ADCY5: variants seen among roughly 807,000 people sequenced by gnomAD.
ADCY5 encodes the protein adenylate cyclase 5.
ADCY5 carries 30 observed loss-of-function variants against 119.7 expected under a neutral mutation model. The ratio of observed to expected loss-of-function variants is 0.25; its 90% confidence interval spans 0.19 to 0.34. The LOEUF is 0.34. ADCY5 is among the 10% of genes least tolerant of loss of function. The pLI is 1.00. For synonymous variants in ADCY5, 753 were observed against 762.2 expected, an observed-to-expected ratio of 0.99 and a Z score of 0.20; for missense variants, 1,324 against 1,775.2, an observed-to-expected ratio of 0.75 and a Z score of 4.57.
At chr3:123,357,259 G>A (rs1428486980) in intron 1 of ADCY5, among the ~76,000 whole-genome samples, 2 of 152,058 alleles carry the variant, frequency 1.3e-5, no homozygotes, top group African/African-American at 4.8e-5. Flanking sequence ...AAAAAGGGCA[G>A]GAGTCATATC....
chr3:123,426,754 C>T, intron 1 of ADCY5, among the ~76,000 whole-genome samples: 1 of 152,090 alleles, frequency 6.6e-6, no homozygotes, highest in East Asian at 1.9e-4. Flanking sequence ...CGCAAGGAGC[C>T]TGTAGGAGTA....
chr3:123,395,725 A>T (rs9653895), intron 1 of ADCY5, among the ~76,000 whole-genome samples: 13,603 of 151,280 alleles, frequency 0.09, 1,570 homozygotes, highest in African/African-American at 0.27. Context: ...AAAAAAAAAA[A>T]TTTTTTTAAT....
intron 1 of ADCY5, among the ~76,000 whole-genome samples, chr3:123,364,473 C>T (rs1943363204): frequency 6.6e-6 from 1 of 152,132 alleles, no homozygotes; most frequent in Admixed American, 6.5e-5. Context: ...AGTGGAGGGG[C>T]ATACAGATGA....
intron 1 of ADCY5, among the ~76,000 whole-genome samples, chr3:123,420,940 G>A (rs1056395756): frequency 6.6e-6 from 1 of 152,066 alleles, no homozygotes; most frequent in Admixed American, 6.5e-5. Context: ...CTTGTAGATG[G>A]TGTTCTCTCC....
chr3:123,328,904 A>G, intron 5 of ADCY5, 102 bp from the exon 6 acceptor site: 2 of 1,227,684 alleles, frequency 1.6e-6, no homozygotes, highest in South Asian at 1.4e-5. Flanking sequence ...GCGGGGGTCA[A>G]AGAGTCTTCT....
intron 1 of ADCY5, among the ~76,000 whole-genome samples, chr3:123,420,532 A>G (rs1269776999): frequency 6.6e-6 from 1 of 152,188 alleles, no homozygotes; most frequent in East Asian, 1.9e-4. Context: ...CAGGCCCTAC[A>G]GATGGCCGCA....
intron 1 of ADCY5, among the ~76,000 whole-genome samples, chr3:123,392,445 G>A (rs1472309245): frequency 2.0e-5 from 3 of 152,052 alleles, no homozygotes; most frequent in Non-Finnish European, 4.4e-5. Flanking sequence ...GGCTCGGTCT[G>A]CAGGCAGCAC....
Position 123,296,066 on chromosome 3 carries a change from A to C in ADCY5, c.3063+18T>G, listed in dbSNP as rs9844230. The C allele has an allele frequency of 5.5e-4, 880 of 1,612,914 alleles. 10 individuals are homozygous for C. The African/African-American group carries it at 9.1e-3, about 17-fold the overall frequency. On this transcript the variant is annotated intron_variant, in intron 17 of 20. Transcript: ENST00000462833. ...CCCAAATGCCTCCCTCCCCAGGTCC[A>C]GCCCCAGGGCCACCCACCTGCAGTT... is the stretch of plus-strand genomic sequence containing the variant.
At chr3:123,439,869 A>C (rs1026705805) in intron 1 of ADCY5, among the ~76,000 whole-genome samples, 3 of 152,200 alleles carry the variant, frequency 2.0e-5, no homozygotes, top group African/African-American at 7.2e-5. Context: ...AGAACGACTT[A>C]ATGATGGTTT....
chr3:123,358,637 C>A (rs9817887), intron 1 of ADCY5, among the ~76,000 whole-genome samples: 2,522 of 152,214 alleles, frequency 0.017, 77 homozygotes, highest in African/African-American at 0.058. Flanking sequence ...ACAAGCCCTG[C>A]AGATGGATGG....
chr3:123,416,263 T>C (rs1394408821), intron 1 of ADCY5: 1 of 1,536,142 alleles, frequency 6.5e-7, no homozygotes. Flanking sequence ...TTTCTGAGAC[T>C]TCATTCCTCA....
intron 1 of ADCY5, chr3:123,416,369 G>A (rs537493412): frequency 1.3e-6 from 2 of 1,507,660 alleles, no homozygotes; most frequent in East Asian, 2.5e-5. Context: ...CCCTTGTCTT[G>A]GGGAAGACAC....
chr3:123,290,905 T>G (rs1939103784), intron 18 of ADCY5, among the ~76,000 whole-genome samples: 1 of 152,222 alleles, frequency 6.6e-6, no homozygotes, highest in Non-Finnish European at 1.5e-5. Context: ...TTTCCTCATC[T>G]GTCACATGAT....
intron 1 of ADCY5, among the ~76,000 whole-genome samples, chr3:123,384,514 G>A (rs139551366): frequency 3.9e-5 from 6 of 152,222 alleles, no homozygotes; most frequent in East Asian, 1.9e-4. Context: ...ACATTACCTC[G>A]GGCTCTTGCC....
At chr3:123,333,728 G>A (rs1364045019) in intron 3 of ADCY5, among the ~76,000 whole-genome samples, 1 of 152,254 alleles carries the variant, frequency 6.6e-6, no homozygotes, top group East Asian at 1.9e-4. Context: ...CGAGGGCACT[G>A]GGCCTGCTCC....
intron 1 of ADCY5, among the ~76,000 whole-genome samples, chr3:123,435,467 C>T (rs777417326): frequency 1.4e-4 from 22 of 152,264 alleles, no homozygotes; most frequent in South Asian, 4.1e-4. Context: ...TAACCAATGA[C>T]GGAGTCCTCC....
At chr3:123,371,988 GC>G (rs1943659936) in intron 1 of ADCY5, among the ~76,000 whole-genome samples, 1 of 152,162 alleles carries the variant, frequency 6.6e-6, no homozygotes, top group South Asian at 2.1e-4. Context: ...GGGGCTTGGG[GC>G]CCTGCCCCAC....
intron 12 of ADCY5, among the ~76,000 whole-genome samples, chr3:123,307,145 T>C (rs993550007): frequency 1.3e-5 from 2 of 152,146 alleles, no homozygotes; most frequent in African/African-American, 4.8e-5. Flanking sequence ...ACAACAATGT[T>C]CTGGAATTAG....
At chr3:123,297,259 C>T in intron 16 of ADCY5, 94 bp downstream of exon 16, 2 of 1,531,068 alleles carry the variant, frequency 1.3e-6, no homozygotes, top group East Asian at 2.2e-5. Context: ...CCCACCTTGC[C>T]ACCAAGGCCC....
Sources: gnomAD v4.1 joint callset for allele counts (sites outside exome capture counted in the v4.1 genomes callset) on GRCh38, gnomAD v4.1.1 for gene constraint, MANE v1.5 for transcripts, NCBI Gene and HGNC (gene_info 2026-07-23, HGNC 2026-07-21) for gene names.